Variants in RRN3 observed in about 807,000 individuals in gnomAD.
RRN3 encodes RNA polymerase I transcription factor RRN3.
Under a neutral mutation model 82.3 loss-of-function variants are expected in RRN3, and 38 were observed. That is an observed-to-expected ratio of 0.46 (90% CI 0.36 to 0.61). The LOEUF is 0.61. Ranked by LOEUF, RRN3 falls within the 20% of genes least tolerant of loss-of-function variation. The pLI is 0.00. For synonymous variants in RRN3, 284 were observed against 284.3 expected, an observed-to-expected ratio of 1.00 and a Z score of 0.01; for missense variants, 726 against 793.1, an observed-to-expected ratio of 0.92 and a Z score of 1.02.
intron 8 of RRN3, among the ~76,000 whole-genome samples, chr16:15,083,069 A>T (rs1006128903): frequency 6.6e-6 from 1 of 152,222 alleles, no homozygotes; most frequent in Non-Finnish European, 1.5e-5. Flanking sequence ...AAATTCTTAG[A>T]CGTCAGTTTA....
At position 15,085,009 on chromosome 16, in the gene RRN3, C is replaced by A. The variant is rs182136177; in HGVS notation, c.533-304G>T. Among the ~76,000 whole-genome samples the A allele has an allele frequency of 1.6e-3, 245 of 151,774 alleles. 1 individual carries two copies. The highest frequency in any genetic ancestry group is 5.5e-3 in the African/African-American group (228 of 41,384). ...TGAACCTGGGAGGTGAAGGCTGCAG[C>A]GAACCGAGATCACACCACTATACTC... On this transcript the variant is annotated intron_variant, in intron 6 of 17. Coordinates refer to ENST00000198767, the MANE Select transcript of RRN3 (RefSeq NM_018427.5).
chr16:15,077,684 A>G (rs1480687146), intron 9 of RRN3, among the ~76,000 whole-genome samples: 10 of 152,216 alleles, frequency 6.6e-5, no homozygotes, highest in Non-Finnish European at 2.9e-5. Context: ...TACTAAAAAT[A>G]CAAAAAATTA....
chr16:15,071,002 G>A (rs1353977639), intron 13 of RRN3, 119 bp downstream of exon 13: 2 of 791,736 alleles, frequency 2.5e-6, no homozygotes, highest in Non-Finnish European at 4.0e-6. Flanking sequence ...CACAGAGTAG[G>A]GATTTTATTC....
At chr16:15,077,313 G>C (rs2045502054) in intron 9 of RRN3, among the ~76,000 whole-genome samples, 1 of 152,126 alleles carries the variant, frequency 6.6e-6, no homozygotes, top group South Asian at 2.1e-4. Context: ...CCTCCTGTAA[G>C]TCACACATGT....
intron 14 of RRN3, among the ~76,000 whole-genome samples, chr16:15,068,922 G>A (rs75058050): frequency 3.3e-5 from 5 of 152,074 alleles, no homozygotes; most frequent in African/African-American, 7.2e-5. Context: ...TCTTTGATAC[G>A]TATTTCAATA....
chr16:15,093,294 G>A (rs2046214739), intron 1 of RRN3, among the ~76,000 whole-genome samples: 1 of 152,122 alleles, frequency 6.6e-6, no homozygotes, highest in Admixed American at 6.5e-5. Context: ...GTGAGCAACC[G>A]CGCCCGGCCT....
intron 3 of RRN3, among the ~76,000 whole-genome samples, chr16:15,087,685 C>CGGTA (rs1183070877): frequency 6.6e-6 from 1 of 152,164 alleles, no homozygotes; most frequent in African/African-American, 2.4e-5. Context: ...ATAACATTAA[C>CGGTA]GGTAGCTCAC....
chr16:15,064,617 C>T (rs1015969776), intron 16 of RRN3, among the ~76,000 whole-genome samples: 2 of 152,214 alleles, frequency 1.3e-5, no homozygotes, highest in Non-Finnish European at 2.9e-5. Context: ...ATTAACCTTA[C>T]ATGTTTAAAT....
intron 17 of RRN3, among the ~76,000 whole-genome samples, chr16:15,062,249 A>C (rs952492084): frequency 1.3e-5 from 2 of 152,222 alleles, no homozygotes; most frequent in Admixed American, 1.3e-4. Flanking sequence ...ATTTGTTTCA[A>C]GTCTGACTTG....
rs1431809485 is a variant in RRN3 at position 15,081,669 on chromosome 16, G to A, written c.667-1573C>T. Among the ~76,000 whole-genome samples the A allele has an allele frequency of 4.6e-5, 7 of 152,100 alleles. No homozygotes were observed. The South Asian group carries it at 6.2e-4, about 14-fold the overall frequency. On this transcript the variant is annotated intron_variant, in intron 8 of 17. Coordinates refer to ENST00000198767, the MANE Select transcript of RRN3 (RefSeq NM_018427.5). ...AAGATGTCCTATGAAGCATAACAAC[G>A]TTTAATTTTGAAGTACAATTGATGC...
At position 15,071,180 on chromosome 16, in the gene RRN3, C is replaced by A. The variant is rs1397316127; in HGVS notation, c.1200G>T (p.Arg400Ser). ...LQDPSNPAII[R>S]QAAGNYIGSF... ...TTCCAATATAATTTCCAGCAGCCTG[C>A]CTGATGATGGCAGGATTACTTGGGT... Residue 400 changes from arginine to serine, a missense_variant, in exon 13 of 18, where the codon AGG becomes AGT. Physicochemically the swap from Arg to Ser is moderately radical, Grantham distance 110. Transcript: ENST00000198767. The A allele has an allele frequency of 6.2e-7, 1 of 1,611,050 alleles. No homozygotes were observed. Among genetic ancestry groups the A allele is most frequent in the Non-Finnish European group, 8.5e-7 (1 of 1,179,504 alleles).
intron 3 of RRN3, among the ~76,000 whole-genome samples, chr16:15,087,461 A>C (rs577471051): frequency 6.6e-6 from 1 of 152,232 alleles, no homozygotes; most frequent in Non-Finnish European, 1.5e-5. Context: ...TCCTCTGTCC[A>C]CCGTCCCACA....
intron 10 of RRN3, 27 bp downstream of exon 10, chr16:15,076,531 C>T (rs2045461404): frequency 4.2e-6 from 6 of 1,444,220 alleles, no homozygotes; most frequent in Non-Finnish European, 5.9e-6. Flanking sequence ...TAAACTTCAT[C>T]TCCACTTTCA....
At chr16:15,076,755 A>T (rs4985146) in intron 9 of RRN3, 105 bp from the exon 10 acceptor site, 123 of 760,584 alleles carry the variant, frequency 1.6e-4, no homozygotes, top group Non-Finnish European at 2.3e-4. Context: ...AGGTGTCCAG[A>T]TTAGTGCCTT....
At chr16:15,079,387 C>A (rs1164645738) in intron 9 of RRN3, among the ~76,000 whole-genome samples, 1 of 152,184 alleles carries the variant, frequency 6.6e-6, no homozygotes, top group Admixed American at 6.5e-5. Flanking sequence ...CCGTAAGAAT[C>A]CCTTCCTGAC....
At chr16:15,066,584 G>C (rs979466189) in intron 15 of RRN3, among the ~76,000 whole-genome samples, 3 of 150,892 alleles carry the variant, frequency 2.0e-5, no homozygotes, top group Admixed American at 6.6e-5. Context: ...AGTGAGCTAA[G>C]ATCACGCCAC....
chr16:15,061,579 C>A lies in RRN3; in HGVS notation c.*165G>T. On this transcript the variant is annotated 3_prime_UTR_variant, in exon 18 of 18. Coordinates refer to ENST00000198767, the MANE Select transcript of RRN3 (RefSeq NM_018427.5). Reference sequence around the variant, plus strand: ...GGGGAACAACAACAACAAAAAAACCCAGTCTTCAGATGCTTGATTCAGTCG... The same window carrying A: ...GGGGAACAACAACAACAAAAAAACCAAGTCTTCAGATGCTTGATTCAGTCG... The A allele has an allele frequency of 1.9e-6, 1 of 523,196 alleles. No individual in the cohort carries two copies. The highest frequency in any genetic ancestry group is 3.0e-5 in the East Asian group (1 of 33,376). The allele number at this position is 523,196 out of a possible 1,614,324, so 32.4% of individuals were successfully genotyped here. A position where few individuals can be genotyped will look rare whatever the true frequency, so the allele number is the denominator to read the frequency against.
chr16:15,093,811 G>A, intron 1 of RRN3: 2 of 392,910 alleles, frequency 5.1e-6, no homozygotes, highest in East Asian at 5.7e-5. Context: ...AACCCACATA[G>A]CCCAGGGAAA....
chr16:15,079,578 G>A (rs1359991039), intron 9 of RRN3, among the ~76,000 whole-genome samples: 2 of 148,492 alleles, frequency 1.3e-5, no homozygotes, highest in Admixed American at 7.0e-5. Flanking sequence ...GCAAAGAATG[G>A]TGCTAGTGGT....
Sources: gnomAD v4.1 joint callset for allele counts (sites outside exome capture counted in the v4.1 genomes callset) on GRCh38, gnomAD v4.1.1 for gene constraint, MANE v1.5 for transcripts, NCBI Gene and HGNC (gene_info 2026-07-23, HGNC 2026-07-21) for gene names.